MCUB: variants seen among roughly 807,000 people sequenced by gnomAD.
The protein encoded by MCUB is calcium uniporter regulatory subunit MCUb, mitochondrial.
MCUB carries 46 observed loss-of-function variants against 41.4 expected under a neutral mutation model. The observed-to-expected ratio is 1.11, with a 90% CI of 0.88 to 1.42. The LOEUF (loss-of-function observed/expected upper bound fraction) is 1.42, where lower values mean the gene tolerates loss of function less well. Ranked by LOEUF, MCUB falls within the 40% of genes most tolerant of loss-of-function variation. The pLI, the probability that MCUB is intolerant of heterozygous loss-of-function variation, is 0.00. For missense variants in MCUB, 403 were observed against 404.9 expected (o/e 1.00, Z 0.04); for synonymous variants, 148 against 148.2 (o/e 1.00, Z 0.01).
chr4:109,613,997 A>G (rs1728073597), intron 1 of MCUB, among the ~76,000 whole-genome samples: 1 of 152,170 alleles, frequency 6.6e-6, no homozygotes, highest in South Asian at 2.1e-4. Flanking sequence ...ATGAGTTTAC[A>G]TCTGTATACT....
intron 1 of MCUB, among the ~76,000 whole-genome samples, chr4:109,598,466 C>G (rs989866806): frequency 6.6e-6 from 1 of 151,904 alleles, no homozygotes; most frequent in Non-Finnish European, 1.5e-5. Context: ...CGTGGCAGCG[C>G]GTGCCTGCAA....
chr4:109,579,499 C>T (rs537849065), intron 1 of MCUB, among the ~76,000 whole-genome samples: 3 of 152,292 alleles, frequency 2.0e-5, no homozygotes, highest in African/African-American at 7.2e-5. Flanking sequence ...CCACGCGCCT[C>T]GGCCTCCCAA....
At chr4:109,569,669 A>G (rs555194266) in intron 1 of MCUB, among the ~76,000 whole-genome samples, 1 of 151,886 alleles carries the variant, frequency 6.6e-6, no homozygotes, top group South Asian at 2.1e-4. Flanking sequence ...ACACCTGGCT[A>G]ATTTTTGTAT....
chr4:109,620,810 A>T (rs920754249), intron 1 of MCUB, among the ~76,000 whole-genome samples: 2 of 152,174 alleles, frequency 1.3e-5, no homozygotes, highest in Non-Finnish European at 2.9e-5. Context: ...TCAAGAGGCA[A>T]CTTTATCCCT....
chr4:109,581,158 C>T (rs1199323135), intron 1 of MCUB, among the ~76,000 whole-genome samples: 2 of 152,182 alleles, frequency 1.3e-5, no homozygotes, highest in South Asian at 2.1e-4. Context: ...ACCAAAACAG[C>T]ATGGTACTGG....
intron 4 of MCUB, among the ~76,000 whole-genome samples, chr4:109,666,603 G>C (rs917429097): frequency 2.6e-5 from 4 of 152,144 alleles, no homozygotes; most frequent in Non-Finnish European, 4.4e-5. Flanking sequence ...TTGTTGAGGT[G>C]TCTTTTCAGA....
intron 1 of MCUB, among the ~76,000 whole-genome samples, chr4:109,580,796 AT>A: frequency 6.6e-6 from 1 of 152,146 alleles, no homozygotes; most frequent in African/African-American, 2.4e-5. Context: ...AGATGGGTAC[AT>A]TGTAAAAATT....
At chr4:109,663,131 A>G (rs3796911) in intron 3 of MCUB, among the ~76,000 whole-genome samples, 108,029 of 152,118 alleles carry the variant, frequency 0.71, 39,145 homozygotes, top group African/African-American at 0.86. Context: ...ACATATTAAT[A>G]TAGCTAAAAT....
chr4:109,582,309 T>C (rs1219573634), intron 1 of MCUB, among the ~76,000 whole-genome samples: 4 of 136,082 alleles, frequency 2.9e-5, no homozygotes, highest in African/African-American at 1.1e-4. Flanking sequence ...TTCTCACTCA[T>C]AGGTGGGAAT....
At chr4:109,602,079 A>G (rs1445663095) in intron 1 of MCUB, among the ~76,000 whole-genome samples, 1 of 152,090 alleles carries the variant, frequency 6.6e-6, no homozygotes, top group African/African-American at 2.4e-5. Context: ...TTTTTTTCTC[A>G]TAGAGTTGTT....
At chr4:109,674,047 G>A in intron 4 of MCUB, 1 of 1,361,086 alleles carries the variant, frequency 7.3e-7, no homozygotes. Context: ...GGTAGCCCAA[G>A]GCTTTGTTGT....
At chr4:109,629,523 T>G (rs1728430132) in intron 1 of MCUB, among the ~76,000 whole-genome samples, 1 of 152,158 alleles carries the variant, frequency 6.6e-6, no homozygotes, top group Non-Finnish European at 1.5e-5. Context: ...TGGAGATAGC[T>G]TCCCATGATA....
intron 1 of MCUB, among the ~76,000 whole-genome samples, chr4:109,645,165 A>G (rs983720737): frequency 3.9e-5 from 6 of 152,108 alleles, no homozygotes; most frequent in Non-Finnish European, 5.9e-5. Flanking sequence ...TTTCTTGATA[A>G]ACTGGCTCCA....
At chr4:109,603,242 C>G (rs957381188) in intron 1 of MCUB, among the ~76,000 whole-genome samples, 1 of 152,170 alleles carries the variant, frequency 6.6e-6, no homozygotes, top group Non-Finnish European at 1.5e-5. Context: ...ATTGCAGGCG[C>G]GCGCCGCCAC....
chr4:109,581,728 A>G (rs549139572), intron 1 of MCUB, among the ~76,000 whole-genome samples: 74 of 152,372 alleles, frequency 4.9e-4, no homozygotes, highest in African/African-American at 1.8e-3. Flanking sequence ...GGATATGAAC[A>G]GACACTTCTC....
intron 3 of MCUB, 45 bp downstream of exon 3, chr4:109,660,410 C>G (rs767707974): frequency 9.2e-7 from 1 of 1,081,798 alleles, no homozygotes; most frequent in East Asian, 2.5e-5. Flanking sequence ...GGGTTTCTGT[C>G]TCTCCTGAAC....
At chr4:109,652,435 T>C (rs1467654255) in intron 1 of MCUB, among the ~76,000 whole-genome samples, 1 of 152,224 alleles carries the variant, frequency 6.6e-6, no homozygotes, top group African/African-American at 2.4e-5. Flanking sequence ...TTTGTGCTGC[T>C]GTAACAGAAC....
intron 1 of MCUB, among the ~76,000 whole-genome samples, chr4:109,628,843 G>A (rs537608180): frequency 9.8e-5 from 15 of 152,338 alleles, no homozygotes; most frequent in African/African-American, 3.6e-4. Context: ...CCAGGACGTC[G>A]ATACAGGCAG....
At chr4:109,634,204 C>T (rs1728538979) in intron 1 of MCUB, among the ~76,000 whole-genome samples, 1 of 151,708 alleles carries the variant, frequency 6.6e-6, no homozygotes, top group Non-Finnish European at 1.5e-5. Flanking sequence ...CCATGCAGGC[C>T]AGGCACGGTG....
Sources: gnomAD v4.1 joint callset for allele counts (sites outside exome capture counted in the v4.1 genomes callset) on GRCh38, gnomAD v4.1.1 for gene constraint, MANE v1.5 for transcripts, NCBI Gene and HGNC (gene_info 2026-07-23, HGNC 2026-07-21) for gene names.